Variants in D2HGDH observed in about 807,000 individuals in gnomAD.
D2HGDH encodes D-2-hydroxyglutarate dehydrogenase, mitochondrial.
A neutral mutation model predicts 46.9 loss-of-function variants in D2HGDH; 31 were observed. The observed-to-expected ratio is 0.66, with a 90% confidence interval of 0.50 to 0.89. D2HGDH has a LOEUF of 0.89. D2HGDH is among the 40% of genes least tolerant of loss of function. D2HGDH has a pLI of 0.00. For missense variants in D2HGDH, 698 were observed against 720.8 expected (o/e 0.97, Z 0.36); for synonymous variants, 364 against 332.6 (o/e 1.09, Z -1.03).
chr2:241,755,275 C>T, intron 8 of D2HGDH: 1 of 1,287,044 alleles, frequency 7.8e-7, no homozygotes. Flanking sequence ...TCCCCTGTGG[C>T]CCACCCGCCA....
intron 6 of D2HGDH, chr2:241,749,835 G>C (rs1696816030): frequency 2.4e-6 from 1 of 409,490 alleles, no homozygotes; most frequent in African/African-American, 2.1e-5. Context: ...TGATGCTGGT[G>C]GTGACACCAG....
intron 8 of D2HGDH, chr2:241,754,724 C>T (rs1436428102): frequency 6.1e-5 from 13 of 212,520 alleles, no homozygotes. Flanking sequence ...CCGCCTCAGC[C>T]TCCCGAGTAG....
chr2:241,745,125 A>T (rs898989505), intron 6 of D2HGDH, among the ~76,000 whole-genome samples: 3 of 152,208 alleles, frequency 2.0e-5, no homozygotes, highest in Non-Finnish European at 4.4e-5. Context: ...TCATTTCATA[A>T]GAAAACAGGC....
intron 8 of D2HGDH, among the ~76,000 whole-genome samples, chr2:241,752,244 G>A (rs1157279827): frequency 3.3e-5 from 5 of 152,154 alleles, no homozygotes; most frequent in Non-Finnish European, 7.3e-5. Context: ...GCAAAACGGT[G>A]TCTGCTCCCA....
chr2:241,754,333 A>G (rs1351933572), intron 8 of D2HGDH, among the ~76,000 whole-genome samples: 1 of 152,084 alleles, frequency 6.6e-6, no homozygotes, highest in Non-Finnish European at 1.5e-5. Flanking sequence ...GTCTGATCTG[A>G]CCGAACTAGC....
chr2:241,751,600 C>T (rs956819354), intron 8 of D2HGDH, among the ~76,000 whole-genome samples: 2 of 152,318 alleles, frequency 1.3e-5, no homozygotes, highest in South Asian at 2.1e-4. Context: ...AAAAGTACTT[C>T]CTCCCCACCA....
chr2:241,757,156 C>G (rs961355515), intron 9 of D2HGDH, among the ~76,000 whole-genome samples: 8 of 152,214 alleles, frequency 5.3e-5, no homozygotes, highest in Non-Finnish European at 1.2e-4. Context: ...TGCACAACAG[C>G]TTTTAGGACT....
Position 241,768,796 on chromosome 2 carries a change from T to A in D2HGDH, c.*827T>A, listed in dbSNP as rs1345319673. 6.6e-6 allele frequency: 1 copy of A among 152,230 alleles called. No homozygotes were observed. The highest frequency in any genetic ancestry group is 1.5e-5 in the Non-Finnish European group (1 of 68,054). The allele number at this position is 152,230 out of a possible 1,614,324, so 9.4% of individuals were successfully genotyped here. On this transcript the variant is annotated 3_prime_UTR_variant, in exon 10 of 10. Coordinates refer to ENST00000321264, the MANE Select transcript of D2HGDH (RefSeq NM_152783.5). Reference sequence around the variant, plus strand: ...TTCTGTCATGAATGTCCAGTAAAAATCTGAATTGGTTGCAACCTTCTCTTT... The same window carrying A: ...TTCTGTCATGAATGTCCAGTAAAAAACTGAATTGGTTGCAACCTTCTCTTT...
intron 9 of D2HGDH, among the ~76,000 whole-genome samples, chr2:241,760,974 A>G (rs1698753144): frequency 6.6e-6 from 1 of 152,114 alleles, no homozygotes; most frequent in African/African-American, 2.4e-5. Context: ...TCTTGCTCGC[A>G]CTGTCTGTAC....
rs1043043005 is a variant in D2HGDH at position 241,748,755 on chromosome 2, G to A, written c.854-1396G>A. Reference sequence around the variant, plus strand: ...ACCTGACCCCGGAACGGCTGGGGCAGCCTTGACTGCTTCTGCCGACTTACT... The same window carrying A: ...ACCTGACCCCGGAACGGCTGGGGCAACCTTGACTGCTTCTGCCGACTTACT... On this transcript the variant is annotated intron_variant, in intron 6 of 9. Coordinates refer to ENST00000321264, the MANE Select transcript of D2HGDH (RefSeq NM_152783.5). The A allele has an allele frequency of 3.7e-5, 39 of 1,067,564 alleles. No homozygotes were observed. The East Asian group carries it at 3.4e-3, about 93-fold the overall frequency. The allele number at this position is 1,067,564 out of a possible 1,614,324, so 66.1% of individuals were successfully genotyped here. A position where few individuals can be genotyped will look rare whatever the true frequency, so the allele number is the denominator to read the frequency against.
Position 241,755,672 on chromosome 2 carries a change from A to G in D2HGDH, c.1141-177A>G, listed in dbSNP as rs757396325. ...GGGTCAGAGCCCCTCCTGGTCTGGG[A>G]CATTCGCTGTCTGGGGTTGGAGCCA... On this transcript the variant is annotated intron_variant, in intron 8 of 9. Transcript: ENST00000321264. 44 of 1,544,940 alleles carry G rather than the reference A, an allele frequency of 2.8e-5. No homozygotes were observed. The East Asian group carries it at 5.2e-4, about 18-fold the overall frequency.
At position 241,767,989 on chromosome 2, in the gene D2HGDH, C is replaced by G; in HGVS notation, c.*20C>G. On this transcript the variant is annotated 3_prime_UTR_variant, in exon 10 of 10. Coordinates refer to ENST00000321264, the MANE Select transcript of D2HGDH (RefSeq NM_152783.5). ...GCCTGACGGCCACTCCTGCTGCTGCCAAGGCCCACTGGGGGTCGGCGGGTG... is the reference window on the plus strand; with the variant it reads ...GCCTGACGGCCACTCCTGCTGCTGCGAAGGCCCACTGGGGGTCGGCGGGTG... 1 of 1,575,624 alleles carries G rather than the reference C, an allele frequency of 6.3e-7. No homozygotes were observed. The highest frequency in any genetic ancestry group is 8.6e-7 in the Non-Finnish European group (1 of 1,166,088).
intron 9 of D2HGDH, among the ~76,000 whole-genome samples, chr2:241,762,449 C>T (rs978714301): frequency 3.9e-5 from 6 of 152,312 alleles, no homozygotes; most frequent in East Asian, 1.9e-4. Flanking sequence ...GGCCGGGAGT[C>T]GGCCAGATGA....
intron 2 of D2HGDH, among the ~76,000 whole-genome samples, chr2:241,738,719 G>A (rs886455805): frequency 3.3e-5 from 5 of 152,196 alleles, no homozygotes; most frequent in Non-Finnish European, 5.9e-5. Flanking sequence ...CTGCTGCAGG[G>A]CCGCCCCTCG....
rs539519765 is a variant in D2HGDH at position 241,760,081 on chromosome 2, G to A, written c.1306+4067G>A. ...GGGCCTTACCCAGTCGAAGGCCTTC[G>A]CCACAGCATGGGTGGGCCTTACCCA... On this transcript the variant is annotated intron_variant, in intron 9 of 9. Coordinates refer to ENST00000321264, the MANE Select transcript of D2HGDH (RefSeq NM_152783.5). Among the ~76,000 whole-genome samples the A allele has an allele frequency of 3.6e-4, 47 of 130,710 alleles. 2 individuals carry two copies. In the South Asian group the frequency reaches 6.5e-3, roughly 18 times the overall value. 85.8% of individuals were successfully genotyped at this position (130,710 alleles called of 152,430 possible). A position where few individuals can be genotyped will look rare whatever the true frequency, so the allele number is the denominator to read the frequency against.
intron 3 of D2HGDH, among the ~76,000 whole-genome samples, chr2:241,741,326 G>T (rs1694391833): frequency 6.6e-6 from 1 of 152,226 alleles, no homozygotes; most frequent in African/African-American, 2.4e-5. Flanking sequence ...GTCTGTAACA[G>T]CAAAGCTCCT....
chr2:241,750,388 G>A, intron 7 of D2HGDH, 94 bp downstream of exon 7: 3 of 1,444,470 alleles, frequency 2.1e-6, no homozygotes, highest in Non-Finnish European at 1.9e-6. Flanking sequence ...GTGGGCGGGG[G>A]GTGCCCGGGC....
At chr2:241,739,444 C>G (rs553327230) in intron 2 of D2HGDH, among the ~76,000 whole-genome samples, 19 of 152,394 alleles carry the variant, frequency 1.2e-4, no homozygotes, top group Non-Finnish European at 4.4e-5. Flanking sequence ...AGGTGCCCAG[C>G]AGGCCCCTCT....
rs1311431537 is a variant in D2HGDH at position 241,755,853 on chromosome 2, T to G, written c.1145T>G (p.Leu382Arg). 3 of 1,612,456 alleles carry G rather than the reference T, an allele frequency of 1.9e-6. No individual in the cohort carries two copies. The highest frequency in any genetic ancestry group is 2.5e-6 in the Non-Finnish European group (3 of 1,179,042). The part of the protein sequence containing the change: ...MATDQRKVKM[L>R]WALRERITEA... ...TCATCTCGTCTCATCCTCTAGATGC[T>G]GTGGGCCCTGAGGGAAAGGATCACA... Residue 382 changes from leucine to arginine, a missense_variant, in exon 9 of 10, where the codon CTG becomes CGG. Transcript: ENST00000321264.
Sources: allele counts gnomAD v4.1 joint callset (sites outside exome capture counted in the v4.1 genomes callset), GRCh38; gene constraint gnomAD v4.1.1; transcripts MANE v1.5; gene names NCBI Gene and HGNC (gene_info 2026-07-23, HGNC 2026-07-21).